Variants in NTNG2 observed in about 807,000 individuals in gnomAD.
NTNG2 encodes netrin G2, also known as netrin-G2.
A neutral mutation model predicts 47.6 loss-of-function variants in NTNG2; 15 were observed. That is an observed-to-expected ratio of 0.32 (90% CI 0.21 to 0.49). The LOEUF is 0.49. NTNG2 is among the 20% of genes least tolerant of loss of function. The probability of loss-of-function intolerance (pLI) is 0.99; values close to 1 mark genes in which losing one functional copy is unlikely to be tolerated. For missense variants in NTNG2, 578 were observed against 764.6 expected (o/e 0.76, Z 2.88); for synonymous variants, 307 against 324.6 (o/e 0.95, Z 0.58).
intron 5 of NTNG2, among the ~76,000 whole-genome samples, chr9:132,238,173 G>A (rs1236223563): frequency 3.3e-5 from 5 of 152,162 alleles, no homozygotes; most frequent in African/African-American, 7.2e-5. Flanking sequence ...GTGTCCCTTC[G>A]TAGGAACATC....
At position 132,162,427 on chromosome 9, in the gene NTNG2, G is replaced by A. The variant is rs2131226484; in HGVS notation, c.-484+188G>A. 6.6e-6 allele frequency among the ~76,000 whole-genome samples: 1 copy of A among 152,262 alleles called. No homozygotes were observed. Among genetic ancestry groups the A allele is most frequent in the Admixed American group, 6.5e-5 (1 of 15,302 alleles). ...TGGCGGCTGCTACGAGCTGAGAACT[G>A]GAGTCGCCCCAGAGGGGTGTGTGAG... On this transcript the variant is annotated intron_variant, in intron 1 of 7. Coordinates refer to ENST00000393229, the MANE Select transcript of NTNG2 (RefSeq NM_032536.4). The surrounding 1 kb of genome is among the most constrained non-coding windows in gnomAD (Gnocchi z 4.6).
At chr9:132,235,988 C>T (rs567397982) in intron 5 of NTNG2, among the ~76,000 whole-genome samples, 15 of 152,330 alleles carry the variant, frequency 9.8e-5, no homozygotes, top group African/African-American at 2.9e-4. Context: ...CCATGTGGCA[C>T]CCCCACGCCA....
At position 132,241,859 on chromosome 9, in the gene NTNG2, G is replaced by A; in HGVS notation, c.1358-17G>A. 6.5e-7 allele frequency: 1 copy of A among 1,537,932 alleles called. No individual in the cohort carries two copies. Among genetic ancestry groups the A allele is most frequent in the South Asian group, 1.2e-5 (1 of 84,928 alleles). ...GACCGGGCCACCCCCCGTGCTGACC[G>A]CCCCCTCCGCCTGCAGCCAACGTGT... On this transcript the variant is annotated splice_polypyrimidine_tract_variant and intron_variant, in intron 7 of 7. Transcript: ENST00000393229.
In NTNG2 at chr9:132,162,565, A is replaced by AGAGT; in HGVS notation, c.-484+326_-484+327insGAGT. 8.4e-6 allele frequency among the ~76,000 whole-genome samples: 1 copy of AGAGT among 118,756 alleles called. No homozygotes were observed. The highest frequency in any genetic ancestry group is 3.2e-5 in the African/African-American group (1 of 30,978). The allele number at this position is 118,756 out of a possible 152,430, so 77.9% of individuals were successfully genotyped here. ...GTGTGTGTGTGTGTGTGAGAGAGAG[A>AGAGT]CAGAGTGTGTGTGTGTGTGTGTGTG... On this transcript the variant is annotated intron_variant, in intron 1 of 7. Coordinates refer to ENST00000393229, the MANE Select transcript of NTNG2 (RefSeq NM_032536.4). The surrounding 1 kb of genome is among the most constrained non-coding windows in gnomAD (Gnocchi z 4.6).
chr9:132,189,035 A>G (rs1184825857), intron 2 of NTNG2, among the ~76,000 whole-genome samples: 83 of 144,856 alleles, frequency 5.7e-4, no homozygotes, highest in Non-Finnish European at 9.0e-5. Context: ...TGGATTTAAT[A>G]TAAGTTTTAT....
Position 132,167,437 on chromosome 9 carries a change from T to C in NTNG2, c.213+393T>C, listed in dbSNP as rs147676192. On this transcript the variant is annotated intron_variant, in intron 2 of 7. Coordinates refer to ENST00000393229, the MANE Select transcript of NTNG2 (RefSeq NM_032536.4). The stretch of plus-strand genomic sequence containing the variant: ...GCAACATGATACTGTAAGCTCCCTC[T>C]GTTCATCCTTTCTGTGGTGCAACCT... 3.9e-5 allele frequency among the ~76,000 whole-genome samples: 6 copies of C among 152,372 alleles called. 1 individual carries two copies. Among genetic ancestry groups the C allele is most frequent in the African/African-American group, 1.4e-4 (6 of 41,590 alleles).
chr9:132,191,128 C>T lies in NTNG2; in HGVS notation c.214-6838C>T, dbSNP rs557575750. On this transcript the variant is annotated intron_variant, in intron 2 of 7. Coordinates refer to ENST00000393229, the MANE Select transcript of NTNG2 (RefSeq NM_032536.4). Reference sequence around the variant, plus strand: ...GTTGCTGAGAGGGTGCAGGGAGGAGCGGCTGTGAAGTGCCCAACCCAGCCC... The same window carrying T: ...GTTGCTGAGAGGGTGCAGGGAGGAGTGGCTGTGAAGTGCCCAACCCAGCCC... Among the ~76,000 whole-genome samples the T allele has an allele frequency of 1.7e-3, 252 of 152,182 alleles. 4 individuals are homozygous for T. The highest frequency in any genetic ancestry group is 5.9e-3 in the African/African-American group (243 of 41,520).
chr9:132,168,072 C>T (rs1835628161), intron 2 of NTNG2, among the ~76,000 whole-genome samples: 4 of 152,234 alleles, frequency 2.6e-5, no homozygotes, highest in South Asian at 2.1e-4. Flanking sequence ...CAGATGTTAG[C>T]CGTTGTCATT....
rs188961132 is a variant in NTNG2, at chr9:132,241,574, G to C, written c.1358-302G>C. On this transcript the variant is annotated intron_variant, in intron 7 of 7. Coordinates refer to ENST00000393229, the MANE Select transcript of NTNG2 (RefSeq NM_032536.4). Reference sequence around the variant, plus strand: ...AGCCGCGGGCACAGGGTGAAAGGAGGCTCCAGGCGCGTGGAACAGCACGTG... The same window carrying C: ...AGCCGCGGGCACAGGGTGAAAGGAGCCTCCAGGCGCGTGGAACAGCACGTG... 9.8e-6 allele frequency: 4 copies of C among 406,898 alleles called. No homozygotes were observed. In the East Asian group the frequency reaches 1.9e-4, roughly 19 times the overall value. 25.2% of individuals were successfully genotyped at this position (406,898 alleles called of 1,614,324 possible).
rs555288818 is a variant in NTNG2, at chr9:132,187,551, C to CAG, written c.214-10410_214-10409dup. ...AGAAGGAGAATGAGAAACACACACACAGAGAGCGAGAGGGAGCAAGAGAGA... is the reference window on the plus strand; with the variant it reads ...AGAAGGAGAATGAGAAACACACACACAGAGAGAGCGAGAGGGAGCAAGAGAGA... On this transcript the variant is annotated intron_variant, in intron 2 of 7. Coordinates refer to ENST00000393229, the MANE Select transcript of NTNG2 (RefSeq NM_032536.4). Among the ~76,000 whole-genome samples, 114 of 141,820 alleles carry CAG rather than the reference C, an allele frequency of 8.0e-4. 1 individual carries two copies. The highest frequency in any genetic ancestry group is 3.1e-3 in the African/African-American group (112 of 35,694). The allele number at this position is 141,820 out of a possible 152,430, so 93.0% of individuals were successfully genotyped here.
rs1181280740 is a variant in NTNG2, at chr9:132,197,838, G to A, written c.214-128G>A. On this transcript the variant is annotated intron_variant, in intron 2 of 7. Transcript: ENST00000393229. The surrounding 1 kb of genome is among the most constrained non-coding windows in gnomAD (Gnocchi z 4.3). ...AATCTCCCAGCTGTGTCTGGGCACC[G>A]GAGCACAGGCCCTGTAGCCACAGAG... 14 of 843,712 alleles carry A rather than the reference G, an allele frequency of 1.7e-5. No individual in the cohort carries two copies. The highest frequency in any genetic ancestry group is 5.6e-5 in the Admixed American group (2 of 35,582). The allele number at this position is 843,712 out of a possible 1,614,324, so 52.3% of individuals were successfully genotyped here.
intron 3 of NTNG2, among the ~76,000 whole-genome samples, chr9:132,210,494 A>G (rs1271379577): frequency 1.3e-5 from 2 of 152,190 alleles, no homozygotes; most frequent in Admixed American, 6.5e-5. Flanking sequence ...TGAGAAGCTC[A>G]GTTCATAGTA....
chr9:132,175,176 C>T (rs1836330983), intron 2 of NTNG2, among the ~76,000 whole-genome samples: 1 of 152,066 alleles, frequency 6.6e-6, no homozygotes, highest in African/African-American at 2.4e-5. Flanking sequence ...CAGTCCACTC[C>T]CCCTGCCCAC....
rs751585848 is a variant in NTNG2, at chr9:132,180,712, G to A, written c.213+13668G>A. On this transcript the variant is annotated intron_variant, in intron 2 of 7. Transcript: ENST00000393229. This position sits in a 1 kb window ranked among gnomAD's most constrained non-coding sequence, Gnocchi z 4.2. ...GGAGAGAGAGAGAAAGAGAAAGAACGATAGAGAGATGCAATAACCTCCCAG... is the reference window on the plus strand; with the variant it reads ...GGAGAGAGAGAGAAAGAGAAAGAACAATAGAGAGATGCAATAACCTCCCAG... Among the ~76,000 whole-genome samples the A allele has an allele frequency of 2.6e-5, 4 of 152,196 alleles. No individual in the cohort carries two copies. Among genetic ancestry groups the A allele is most frequent in the Admixed American group, 6.5e-5 (1 of 15,282 alleles).
intron 2 of NTNG2, among the ~76,000 whole-genome samples, chr9:132,177,612 C>T (rs888372475): frequency 1.3e-5 from 2 of 152,176 alleles, no homozygotes; most frequent in Admixed American, 6.5e-5. Flanking sequence ...TGAGCATAAT[C>T]TATGCACTTA....
In NTNG2 at chr9:132,226,784, C is replaced by T. The variant is rs780534126; in HGVS notation, c.858-65C>T. The T allele has an allele frequency of 3.5e-6, 5 of 1,428,464 alleles. No individual in the cohort carries two copies. The Admixed American group carries it at 1.2e-4, about 36-fold the overall frequency. The allele number at this position is 1,428,464 out of a possible 1,614,324, so 88.5% of individuals were successfully genotyped here. On this transcript the variant is annotated intron_variant, in intron 3 of 7. Coordinates refer to ENST00000393229, the MANE Select transcript of NTNG2 (RefSeq NM_032536.4). The surrounding 1 kb of genome is among the most constrained non-coding windows in gnomAD (Gnocchi z 4.8). Reference sequence around the variant, plus strand: ...GCCCCTCCTGGGAGGCGCTCCTTTCCCCAGAGGCCAGGCCAGGCTGCCCAC... The same window carrying T: ...GCCCCTCCTGGGAGGCGCTCCTTTCTCCAGAGGCCAGGCCAGGCTGCCCAC...
At chr9:132,176,906 C>T (rs1205318470) in intron 2 of NTNG2, among the ~76,000 whole-genome samples, 1 of 152,174 alleles carries the variant, frequency 6.6e-6, no homozygotes, top group Admixed American at 6.6e-5. Context: ...GGGTGTGGGG[C>T]AGTATCCCAT....
intron 2 of NTNG2, among the ~76,000 whole-genome samples, chr9:132,176,068 GGT>G (rs1305268813): frequency 6.6e-6 from 1 of 152,130 alleles, no homozygotes; most frequent in African/African-American, 2.4e-5. Context: ...ACAACGTTTT[GGT>G]GGGTGCAGTG....
chr9:132,215,138 C>T lies in NTNG2; in HGVS notation c.858-11711C>T, dbSNP rs958769185. ...CTCAAACTCCTGTTCTCAGGTAATCCTCCTGCCTGGGCCTCCCAGAGTGCC... is the reference window on the plus strand; with the variant it reads ...CTCAAACTCCTGTTCTCAGGTAATCTTCCTGCCTGGGCCTCCCAGAGTGCC... On this transcript the variant is annotated intron_variant, in intron 3 of 7. Transcript: ENST00000393229. This position sits in a 1 kb window ranked among gnomAD's most constrained non-coding sequence, Gnocchi z 4.2. Among the ~76,000 whole-genome samples, 2 of 151,856 alleles carry T rather than the reference C, an allele frequency of 1.3e-5. No homozygotes were observed. The highest frequency in any genetic ancestry group is 4.8e-5 in the African/African-American group (2 of 41,318).
Sources: allele counts gnomAD v4.1 joint callset (sites outside exome capture counted in the v4.1 genomes callset), GRCh38; gene constraint gnomAD v4.1.1; non-coding constraint Gnocchi (gnomAD v3.1); transcripts MANE v1.5; gene names NCBI Gene and HGNC (gene_info 2026-07-23, HGNC 2026-07-21).